NEK1: variants seen among roughly 807,000 people sequenced by gnomAD.
The protein encoded by NEK1 is NIMA related kinase 1, also known as serine/threonine-protein kinase Nek1.
NEK1 carries 137 observed loss-of-function variants against 182.1 expected under a neutral mutation model. The observed-to-expected ratio is 0.75, with a 90% CI of 0.65 to 0.87. NEK1 has a LOEUF of 0.87. NEK1 is among the 40% of genes least tolerant of loss of function. The pLI is 0.00. For synonymous variants in NEK1, 513 were observed against 492.2 expected (o/e 1.04, Z -0.56); for missense variants, 1,391 against 1,494.4 (o/e 0.93, Z 1.14).
At chr4:169,533,660 G>A (rs1758011980) in intron 19 of NEK1, among the ~76,000 whole-genome samples, 1 of 152,210 alleles carries the variant, frequency 6.6e-6, no homozygotes, top group Admixed American at 6.5e-5. Context: ...GAATGGCAGA[G>A]TAGACAAAAC....
intron 12 of NEK1, among the ~76,000 whole-genome samples, chr4:169,573,898 C>G (rs761519700): frequency 6.6e-6 from 1 of 152,196 alleles, no homozygotes; most frequent in Non-Finnish European, 1.5e-5. Flanking sequence ...GTGGCTCATG[C>G]CTGTAATCCC....
Position 169,420,228 on chromosome 4 carries a change from A to T in NEK1, c.3222+4325T>A, listed in dbSNP as rs141726831. ...CTAGAAAGTCTTCAAGGGCAATAACACGAATGAAGCTGTCATCTCCTGTGA... is the reference window on the plus strand; with the variant it reads ...CTAGAAAGTCTTCAAGGGCAATAACTCGAATGAAGCTGTCATCTCCTGTGA... On this transcript the variant is annotated intron_variant, in intron 31 of 35. Coordinates refer to ENST00000507142, the MANE Select transcript of NEK1 (RefSeq NM_001199397.3). 4.7e-3 allele frequency among the ~76,000 whole-genome samples: 713 copies of T among 152,312 alleles called. 6 individuals are homozygous for T. Among genetic ancestry groups the T allele is most frequent in the Admixed American group, 0.018 (268 of 15,296 alleles).
chr4:169,451,393 A>T (rs1413477051), intron 27 of NEK1, among the ~76,000 whole-genome samples: 1 of 152,138 alleles, frequency 6.6e-6, no homozygotes, highest in Non-Finnish European at 1.5e-5. Context: ...GAAGTAAAGC[A>T]CTCCTCAGCA....
intron 16 of NEK1, among the ~76,000 whole-genome samples, chr4:169,556,621 G>A (rs565701630): frequency 4.0e-5 from 6 of 151,872 alleles, no homozygotes; most frequent in African/African-American, 1.4e-4. Flanking sequence ...TCTATCTTTA[G>A]TTTCCAAGTA....
intron 31 of NEK1, among the ~76,000 whole-genome samples, chr4:169,413,008 A>G (rs867310918): frequency 3.4e-4 from 51 of 151,880 alleles, no homozygotes; most frequent in Middle Eastern, 3.4e-3. Context: ...AAATATAAGG[A>G]CCCAAACTTT....
intron 35 of NEK1, among the ~76,000 whole-genome samples, chr4:169,395,708 T>C (rs1191426199): frequency 2.6e-5 from 4 of 152,206 alleles, no homozygotes; most frequent in Non-Finnish European, 5.9e-5. Context: ...TTGGCCATAG[T>C]GGTTTGGATT....
intron 18 of NEK1, among the ~76,000 whole-genome samples, chr4:169,552,693 C>A (rs1001227167): frequency 6.6e-6 from 1 of 151,958 alleles, no homozygotes; most frequent in East Asian, 1.9e-4. Flanking sequence ...GTAGAAAATT[C>A]AAAAGAAACA....
intron 23 of NEK1, among the ~76,000 whole-genome samples, chr4:169,498,305 C>T (rs1010028039): frequency 6.6e-6 from 1 of 152,194 alleles, no homozygotes; most frequent in East Asian, 1.9e-4. Flanking sequence ...TGTCTCTGCA[C>T]ATGAGATGGG....
In NEK1 at chr4:169,587,617, G is replaced by A. The variant is rs1455095327; in HGVS notation, c.552-4C>T. Reference sequence around the variant, plus strand: ...ACACCCCAGAGCCCAAATGTCACTGGAGAAGATAAAAATGAGAAATTTCCT... The same window carrying A: ...ACACCCCAGAGCCCAAATGTCACTGAAGAAGATAAAAATGAGAAATTTCCT... On this transcript the variant is annotated splice_region_variant and splice_polypyrimidine_tract_variant and intron_variant, in intron 8 of 35. Transcript: ENST00000507142. The A allele has an allele frequency of 6.5e-7, 1 of 1,527,078 alleles. No individual in the cohort carries two copies. Among genetic ancestry groups the A allele is most frequent in the East Asian group, 2.4e-5 (1 of 41,302 alleles). 94.6% of individuals were successfully genotyped at this position (1,527,078 alleles called of 1,614,324 possible). A position where few individuals can be genotyped will look rare whatever the true frequency, so the allele number is the denominator to read the frequency against.
intron 11 of NEK1, among the ~76,000 whole-genome samples, chr4:169,580,445 C>T (rs564572069): frequency 2.7e-4 from 39 of 144,684 alleles, no homozygotes; most frequent in Non-Finnish European, 2.8e-4. Context: ...TGCAGTGAGC[C>T]GAGATTGTGC....
rs147335675 is a variant in NEK1 at position 169,393,283 on chromosome 4, T to C, written c.*1227A>G. 1 of 152,176 alleles carries C rather than the reference T, an allele frequency of 6.6e-6. No homozygotes were observed. The highest frequency in any genetic ancestry group is 2.4e-5 in the African/African-American group (1 of 41,436). 9.4% of individuals were successfully genotyped at this position (152,176 alleles called of 1,614,324 possible). A position where few individuals can be genotyped will look rare whatever the true frequency, so the allele number is the denominator to read the frequency against. ...AGACAATTGATATACTTCAGGTAGA[T>C]AATAAAAATTTAATAGCAATATCAT... is the stretch of plus-strand genomic sequence containing the variant. On this transcript the variant is annotated 3_prime_UTR_variant, in exon 36 of 36. Transcript: ENST00000507142.
intron 23 of NEK1, among the ~76,000 whole-genome samples, chr4:169,486,854 C>T (rs1207890314): frequency 6.6e-6 from 1 of 152,166 alleles, no homozygotes; most frequent in African/African-American, 2.4e-5. Context: ...TCCAACCTAA[C>T]CAAGACAGAA....
intron 9 of NEK1, among the ~76,000 whole-genome samples, chr4:169,586,047 T>C (rs1767477398): frequency 6.6e-6 from 1 of 152,122 alleles, no homozygotes; most frequent in Admixed American, 6.6e-5. Context: ...GTGCGTGTGA[T>C]GCTCCTAAAA....
Position 169,585,407 on chromosome 4 carries a change from T to C in NEK1, c.749A>G (p.Asn250Ser), listed in dbSNP as rs368762503. 8 of 1,613,630 alleles carry C rather than the reference T, an allele frequency of 5.0e-6. No individual in the cohort carries two copies. The highest frequency in any genetic ancestry group is 6.8e-6 in the Non-Finnish European group (8 of 1,179,718). Residue 250 changes from asparagine to serine, a missense_variant, in exon 10 of 36, where the codon AAC becomes AGC. This residue lies in a region of NEK1 where 1,216 missense variants were observed against 1,277.6 expected (regional missense o/e 0.95). Transcript: ENST00000507142. ...KRNPRDRPSV[N>S]SILEKGFIAK... The stretch of plus-strand genomic sequence containing the variant: ...TATAAAACCTTTCTCCAATATGGAG[T>C]TGACTGATGGTCTATCCCTAGGATT...
At position 169,400,346 on chromosome 4, in the gene NEK1, T is replaced by G. The variant is rs561314669; in HGVS notation, c.3726A>C (p.Glu1242Asp). The G allele has an allele frequency of 5.9e-6, 9 of 1,521,150 alleles. No individual in the cohort carries two copies. Among genetic ancestry groups the G allele is most frequent in the Middle Eastern group, 1.9e-4 (1 of 5,160 alleles). 94.2% of individuals were successfully genotyped at this position (1,521,150 alleles called of 1,614,324 possible). The part of the protein sequence containing the change: ...EVYEKIKAIH[E>D]DEDENIEICS... ...AAATTTCAATATTTTCATCTTCATC[T>G]TCATGAATAGCCTATACCAAATTCC... is the stretch of plus-strand genomic sequence containing the variant. The change falls in exon 35 of 36, where the codon GAA (glutamate) becomes GAC (aspartate). Residue 1242 changes from glutamate (E) to aspartate (D), a missense_variant. By Grantham distance (45) the Glu-to-Asp change is conservative. This residue lies in a region of NEK1 where 1,216 missense variants were observed against 1,277.6 expected (regional missense o/e 0.95). Transcript: ENST00000507142.
At chr4:169,455,723 C>T (rs1008452890) in intron 27 of NEK1, among the ~76,000 whole-genome samples, 24 of 152,130 alleles carry the variant, frequency 1.6e-4, no homozygotes, top group Admixed American at 1.4e-3. Flanking sequence ...GGCAGAAAAT[C>T]GACATAGAAA....
intron 27 of NEK1, among the ~76,000 whole-genome samples, chr4:169,462,486 G>C (rs1040795893): frequency 1.3e-5 from 2 of 152,062 alleles, no homozygotes; most frequent in Non-Finnish European, 2.9e-5. Flanking sequence ...AGTAACATGT[G>C]TATAGGTTCG....
At chr4:169,407,888 T>C (rs1418693774) in intron 31 of NEK1, among the ~76,000 whole-genome samples, 1 of 152,250 alleles carries the variant, frequency 6.6e-6, no homozygotes, top group East Asian at 1.9e-4. Flanking sequence ...TTGAACATAA[T>C]TTAAATGTTC....
intron 31 of NEK1, among the ~76,000 whole-genome samples, chr4:169,410,780 T>C: frequency 6.6e-6 from 1 of 152,254 alleles, no homozygotes; most frequent in South Asian, 2.1e-4. Context: ...ACTTTGCATT[T>C]GCTTTAACAA....
Sources: gnomAD v4.1 joint callset for allele counts (sites outside exome capture counted in the v4.1 genomes callset) on GRCh38, gnomAD v4.1.1 for gene constraint, gnomAD v4.1.1 regional missense constraint, MANE v1.5 for transcripts, NCBI Gene and HGNC (gene_info 2026-07-23, HGNC 2026-07-21) for gene names.